The following AAK1 variants were observed in gnomAD, a reference collection of about 807,000 sequenced individuals.
The protein encoded by AAK1 is AP2 associated kinase 1.
In AAK1, 37 loss-of-function variants were observed where a neutral mutation model predicts 116.0. The ratio of observed to expected loss-of-function variants is 0.32; its 90% CI spans 0.25 to 0.42. The LOEUF (loss-of-function observed/expected upper bound fraction) is 0.42, where lower values mean the gene tolerates loss of function less well. Among genes scored for constraint, AAK1 ranks in the 10% least tolerant of loss-of-function variants. The pLI is 1.00. For synonymous variants in AAK1, 458 were observed against 439.9 expected, an observed-to-expected ratio of 1.04 and a Z score of -0.51; for missense variants, 919 against 1,170.6, an observed-to-expected ratio of 0.79 and a Z score of 3.14.
At chr2:69,531,894 C>T in intron 6 of AAK1, 147 bp downstream of exon 6, 1 of 1,385,266 alleles carries the variant, frequency 7.2e-7, no homozygotes, top group South Asian at 1.4e-5. Context: ...TAAAGTCAAA[C>T]AACCCAACTG....
At chr2:69,561,908 C>T (rs1007226129) in intron 2 of AAK1, among the ~76,000 whole-genome samples, 3 of 152,174 alleles carry the variant, frequency 2.0e-5, no homozygotes, top group African/African-American at 4.8e-5. Flanking sequence ...TTCATCGTTC[C>T]ATGTAGTTTT....
rs574883682 is a variant in AAK1, at chr2:69,518,716, C to A, written c.1497+238G>T. ...ACAGGCGCGAGCCACTGCACCCGGCCAAAAAAATAGCTCTTGTACTGATGT... is the reference window on the plus strand; with the variant it reads ...ACAGGCGCGAGCCACTGCACCCGGCAAAAAAAATAGCTCTTGTACTGATGT... On this transcript the variant is annotated intron_variant, in intron 12 of 21. Transcript: ENST00000409085. Among the ~76,000 whole-genome samples, 25 of 151,828 alleles carry A rather than the reference C, an allele frequency of 1.6e-4. No homozygotes were observed. In the South Asian group the frequency reaches 3.1e-3, roughly 19 times the overall value.
intron 2 of AAK1, among the ~76,000 whole-genome samples, chr2:69,618,573 A>T (rs185732311): frequency 2.0e-5 from 3 of 152,090 alleles, no homozygotes; most frequent in African/African-American, 4.8e-5. Context: ...CTCATGTAAA[A>T]ATTCCTGCTC....
rs1167257285 is a variant in AAK1, at chr2:69,469,447, C to G, written c.*6422G>C. 3.0e-6 allele frequency: 3 copies of G among 985,418 alleles called. No homozygotes were observed. Among genetic ancestry groups the G allele is most frequent in the Non-Finnish European group, 3.6e-6 (3 of 829,932 alleles). The allele number at this position is 985,418 out of a possible 1,614,324, so 61.0% of individuals were successfully genotyped here. The stretch of plus-strand genomic sequence containing the variant: ...AGGGAAAATGTGTTTTCAGGGTGAA[C>G]AGTTCCTTTATATGAAGGTAGCATT... On this transcript the variant is annotated 3_prime_UTR_variant, in exon 22 of 22. Coordinates refer to ENST00000409085, the MANE Select transcript of AAK1 (RefSeq NM_014911.5).
chr2:69,595,182 G>C (rs955710751), intron 2 of AAK1: 17 of 382,070 alleles, frequency 4.4e-5, no homozygotes, highest in African/African-American at 3.6e-4. Flanking sequence ...GTGTGATCTT[G>C]GCTCACTGCA....
At chr2:69,506,795 G>A (rs980106917) in intron 15 of AAK1, among the ~76,000 whole-genome samples, 9 of 151,842 alleles carry the variant, frequency 5.9e-5, no homozygotes, top group African/African-American at 2.2e-4. Flanking sequence ...CTTTTTATTA[G>A]AGTACTCTCT....
chr2:69,482,609 T>G (rs1351987968), intron 18 of AAK1, 102 bp downstream of exon 18: 1 of 903,586 alleles, frequency 1.1e-6, no homozygotes, highest in East Asian at 2.6e-5. Flanking sequence ...GCTTCTGGGG[T>G]GGCAGGGCTA....
rs537971144 is a variant in AAK1, at chr2:69,465,372, G to A, written c.*10497C>T. 73 of 1,208,868 alleles carry A rather than the reference G, an allele frequency of 6.0e-5. No individual in the cohort carries two copies. Among genetic ancestry groups the A allele is most frequent in the Non-Finnish European group, 7.2e-5 (68 of 946,116 alleles). 74.9% of individuals were successfully genotyped at this position (1,208,868 alleles called of 1,614,324 possible). ...AGAAGGCTAAGCTGGGAGTGCCATGGCGGGTATTGAGGGTGGGATAGAGAC... is the reference window on the plus strand; with the variant it reads ...AGAAGGCTAAGCTGGGAGTGCCATGACGGGTATTGAGGGTGGGATAGAGAC... On this transcript the variant is annotated 3_prime_UTR_variant, in exon 22 of 22. Transcript: ENST00000409085.
rs1158229745 is a variant in AAK1, at chr2:69,640,049, A to ACTCTCTCTCTCTCT, written c.163+2828_163+2829insAGAGAGAGAGAGAG. Among the ~76,000 whole-genome samples, 4 of 115,094 alleles carry ACTCTCTCTCTCTCT rather than the reference A, an allele frequency of 3.5e-5. No individual in the cohort carries two copies. The East Asian group carries it at 7.6e-4, about 22-fold the overall frequency. 75.5% of individuals were successfully genotyped at this position (115,094 alleles called of 152,430 possible). A position where few individuals can be genotyped will look rare whatever the true frequency, so the allele number is the denominator to read the frequency against. ...CACACACACACACACACACACACAC[A>ACTCTCTCTCTCTCT]CACACTCTCTCTCTCTCTCTCTCTC... On this transcript the variant is annotated intron_variant, in intron 2 of 21. Transcript: ENST00000409085.
At chr2:69,518,526 C>G (rs548450298) in intron 12 of AAK1, among the ~76,000 whole-genome samples, 164 of 150,156 alleles carry the variant, frequency 1.1e-3, no homozygotes, top group Non-Finnish European at 1.7e-3. Context: ...TCAAGCGATT[C>G]TTCTGCCTCA....
At chr2:69,506,887 T>C (rs931217190) in intron 15 of AAK1, among the ~76,000 whole-genome samples, 24 of 152,094 alleles carry the variant, frequency 1.6e-4, no homozygotes, top group Admixed American at 7.2e-4. Flanking sequence ...TGTGTGTGTG[T>C]GTGTGTGTGT....
intron 17 of AAK1, among the ~76,000 whole-genome samples, chr2:69,486,468 A>AG (rs1675306131): frequency 6.6e-6 from 1 of 152,132 alleles, no homozygotes; most frequent in South Asian, 2.1e-4. Context: ...CTCAAATACC[A>AG]GAAATGTGGG....
At chr2:69,559,712 T>C (rs1671550731) in intron 2 of AAK1, among the ~76,000 whole-genome samples, 1 of 152,172 alleles carries the variant, frequency 6.6e-6, no homozygotes, top group African/African-American at 2.4e-5. Flanking sequence ...GGGGTGGTTC[T>C]CTCTCCTATA....
At chr2:69,583,025 G>A (rs1397676799) in intron 2 of AAK1, among the ~76,000 whole-genome samples, 1 of 152,184 alleles carries the variant, frequency 6.6e-6, no homozygotes, top group Admixed American at 6.5e-5. Context: ...CCACGTGAGA[G>A]ATACCAAAAG....
At position 69,643,714 on chromosome 2, in the gene AAK1, G is replaced by A; in HGVS notation, c.-374C>T. On this transcript the variant is annotated 5_prime_UTR_variant, in exon 1 of 22. Coordinates refer to ENST00000409085, the MANE Select transcript of AAK1 (RefSeq NM_014911.5). ...CTCGGCTCCCGCCCGCCCGCCAGCTGATCCCGGGAGCGCCGGGCGGAGACT... is the reference window on the plus strand; with the variant it reads ...CTCGGCTCCCGCCCGCCCGCCAGCTAATCCCGGGAGCGCCGGGCGGAGACT... The A allele has an allele frequency of 1.6e-6, 2 of 1,214,206 alleles. No homozygotes were observed. The highest frequency in any genetic ancestry group is 2.0e-6 in the Non-Finnish European group (2 of 976,830). 75.2% of individuals were successfully genotyped at this position (1,214,206 alleles called of 1,614,324 possible).
intron 2 of AAK1, among the ~76,000 whole-genome samples, chr2:69,609,906 C>A (rs545981005): frequency 6.6e-6 from 1 of 151,526 alleles, no homozygotes; most frequent in East Asian, 2.0e-4. Context: ...AAAAATTAGC[C>A]GAGCATGGTG....
intron 2 of AAK1, among the ~76,000 whole-genome samples, chr2:69,614,877 T>G: frequency 6.6e-6 from 1 of 152,072 alleles, no homozygotes; most frequent in East Asian, 1.9e-4. Flanking sequence ...AACCAAGGAA[T>G]GCCTGGAGCC....
intron 2 of AAK1, among the ~76,000 whole-genome samples, chr2:69,607,545 G>A (rs924537891): frequency 2.6e-5 from 4 of 151,990 alleles, no homozygotes; most frequent in African/African-American, 7.3e-5. Context: ...TATCAAACAC[G>A]GGTAACGACT....
Position 69,468,926 on chromosome 2 carries a change from G to A in AAK1, c.*6943C>T. The A allele has an allele frequency of 1.0e-6, 1 of 985,360 alleles. No homozygotes were observed. Among genetic ancestry groups the A allele is most frequent in the Non-Finnish European group, 1.2e-6 (1 of 829,924 alleles). The allele number at this position is 985,360 out of a possible 1,614,324, so 61.0% of individuals were successfully genotyped here. On this transcript the variant is annotated 3_prime_UTR_variant, in exon 22 of 22. Coordinates refer to ENST00000409085, the MANE Select transcript of AAK1 (RefSeq NM_014911.5). The stretch of plus-strand genomic sequence containing the variant: ...GCATATTCTATGACCTTCATGATGA[G>A]TACTGGGAAAATCAGACTTAAAATT...
Sources: gnomAD v4.1 joint callset for allele counts (sites outside exome capture counted in the v4.1 genomes callset) on GRCh38, gnomAD v4.1.1 for gene constraint, MANE v1.5 for transcripts, NCBI Gene and HGNC (gene_info 2026-07-23, HGNC 2026-07-21) for gene names.